CNKSR2: variants seen among roughly 807,000 people sequenced by gnomAD.
CNKSR2 encodes CNK homolog protein 2.
CNKSR2 carries 14 observed loss-of-function variants against 84.4 expected under a neutral mutation model. The observed-to-expected ratio is 0.17, with a 90% CI of 0.11 to 0.26. The LOEUF (loss-of-function observed/expected upper bound fraction) is 0.26, where lower values mean the gene tolerates loss of function less well. Among genes scored for constraint, CNKSR2 ranks in the 10% least tolerant of loss-of-function variants. The probability of loss-of-function intolerance (pLI) is 1.00; values close to 1 mark genes in which losing one functional copy is unlikely to be tolerated. For synonymous variants in CNKSR2, 275 were observed against 277.9 expected (o/e 0.99, Z 0.10); for missense variants, 485 against 771.2 (o/e 0.63, Z 4.40).
intron 20 of CNKSR2, among the ~76,000 whole-genome samples, chrX:21,616,974 A>C (rs1014262352): frequency 1.8e-5 from 2 of 112,337 alleles, no homozygotes; most frequent in African/African-American, 6.5e-5. Context: ...CATCAGATGT[A>C]AATGGCAAAA....
chrX:21,612,734 C>G (rs1242197109), intron 20 of CNKSR2, among the ~76,000 whole-genome samples: 1 of 111,887 alleles, frequency 8.9e-6, no homozygotes, highest in Non-Finnish European at 1.9e-5. Context: ...ATCTAAGAAG[C>G]AAGATATACC....
rs1184367410 is a variant in CNKSR2, at chrX:21,490,443, G to C, written c.562-16G>C. The C allele has an allele frequency of 8.4e-7, 1 of 1,189,854 alleles. No homozygotes were observed. The highest frequency in any genetic ancestry group is 2.3e-5 in the Admixed American group (1 of 43,512). On this transcript the variant is annotated splice_polypyrimidine_tract_variant and intron_variant, in intron 5 of 21. Transcript: ENST00000379510. ...ACACGTATTTACCACAACTATTTTT[G>C]TTTTTGTGCTTCCAGTGTAAAACTC...
chrX:21,496,390 A>G (rs2091500333), intron 6 of CNKSR2, among the ~76,000 whole-genome samples: 1 of 111,939 alleles, frequency 8.9e-6, no homozygotes, highest in South Asian at 3.7e-4. Flanking sequence ...GTAAGGCTGA[A>G]TATTACCATG....
intron 13 of CNKSR2, among the ~76,000 whole-genome samples, chrX:21,586,276 G>C (rs1034355229): frequency 9.0e-6 from 1 of 111,716 alleles, no homozygotes; most frequent in Non-Finnish European, 1.9e-5. Flanking sequence ...TGAGTAAGGA[G>C]GTTAAAGATG....
intron 17 of CNKSR2, among the ~76,000 whole-genome samples, chrX:21,595,846 C>T: frequency 8.9e-6 from 1 of 111,737 alleles, no homozygotes; most frequent in African/African-American, 3.3e-5. Flanking sequence ...AGGACCACAA[C>T]CAACAAATCA....
At chrX:21,498,018 T>C (rs1261212747) in intron 7 of CNKSR2, among the ~76,000 whole-genome samples, 172 bp downstream of exon 7, 1 of 109,542 alleles carries the variant, frequency 9.1e-6, no homozygotes, top group Non-Finnish European at 1.9e-5. Flanking sequence ...CAAATTTCCC[T>C]TTTTTTTTGT....
intron 4 of CNKSR2, among the ~76,000 whole-genome samples, chrX:21,447,363 A>G (rs1008588026): frequency 9.0e-6 from 1 of 111,284 alleles, no homozygotes; most frequent in African/African-American, 3.3e-5. Context: ...CATGTTCTCA[A>G]AATTTTATTG....
intron 11 of CNKSR2, among the ~76,000 whole-genome samples, chrX:21,534,691 C>T (rs997028344): frequency 9.0e-6 from 1 of 110,969 alleles, no homozygotes; most frequent in Admixed American, 9.6e-5. Context: ...TGATAAACGA[C>T]GTTAAGCATT....
At position 21,452,702 on chromosome X, in the gene CNKSR2, G is replaced by A. The variant is rs145496180; in HGVS notation, c.519+11921G>A. On this transcript the variant is annotated intron_variant, in intron 4 of 21. Coordinates refer to ENST00000379510, the MANE Select transcript of CNKSR2 (RefSeq NM_014927.5). ...TATGCAAGATGTGGAAGAATTGGCCGTGTTCACTGACAGAAGAACAAAGTA... is the reference window on the plus strand; with the variant it reads ...TATGCAAGATGTGGAAGAATTGGCCATGTTCACTGACAGAAGAACAAAGTA... Among the ~76,000 whole-genome samples the A allele has an allele frequency of 9.8e-3, 1,074 of 109,961 alleles. 12 individuals carry two copies. Among genetic ancestry groups the A allele is most frequent in the African/African-American group, 0.032 (972 of 30,395 alleles).
At chrX:21,503,161 T>A (rs749433371) in intron 8 of CNKSR2, 1 of 285,152 alleles carries the variant, frequency 3.5e-6, no homozygotes, top group East Asian at 4.9e-5. Context: ...CCTTTGAAAG[T>A]CTACAAATAA....
intron 4 of CNKSR2, among the ~76,000 whole-genome samples, chrX:21,461,308 C>A (rs1300193054): frequency 8.9e-6 from 1 of 112,160 alleles, no homozygotes; most frequent in Non-Finnish European, 1.9e-5. Flanking sequence ...TTTGCATATG[C>A]CTGATGGCCA....
At chrX:21,585,437 ATAT>A (rs1262219063) in intron 13 of CNKSR2, among the ~76,000 whole-genome samples, 1 of 108,395 alleles carries the variant, frequency 9.2e-6, no homozygotes. Flanking sequence ...AGAAAAAGTC[ATAT>A]TATAAATACA....
intron 8 of CNKSR2, chrX:21,503,471 TC>T (rs1439879637): frequency 3.7e-6 from 1 of 273,787 alleles, no homozygotes; most frequent in Non-Finnish European, 6.4e-6. Flanking sequence ...CATGCAATAA[TC>T]CTGCAAATAA....
chrX:21,584,771 G>A (rs1330883276), intron 13 of CNKSR2, among the ~76,000 whole-genome samples: 3 of 111,519 alleles, frequency 2.7e-5, no homozygotes, highest in East Asian at 2.8e-4. Context: ...AACAAAATTA[G>A]CAAGGGGAGA....
intron 13 of CNKSR2, among the ~76,000 whole-genome samples, chrX:21,589,759 C>T (rs1156966775): frequency 9.0e-6 from 1 of 111,240 alleles, no homozygotes; most frequent in African/African-American, 3.3e-5. Flanking sequence ...TATGATGCAG[C>T]GAGCATGGTC....
chrX:21,559,873 G>A (rs780731473), intron 11 of CNKSR2, among the ~76,000 whole-genome samples: 30 of 111,595 alleles, frequency 2.7e-4, no homozygotes, highest in Non-Finnish European at 4.7e-4. Flanking sequence ...ATTTTATCAT[G>A]TCTAGTTAAT....
At position 21,374,477 on chromosome X, in the gene CNKSR2, G is replaced by T; in HGVS notation, c.-421G>T. On this transcript the variant is annotated 5_prime_UTR_variant, in exon 1 of 22. Coordinates refer to ENST00000379510, the MANE Select transcript of CNKSR2 (RefSeq NM_014927.5). ...CTTCACTCCCGCGCGTGAGGCGAGC[G>T]GGCAAGTTGGCTGAGGGCGTGCGGC... 1 of 346,394 alleles carries T rather than the reference G, an allele frequency of 2.9e-6. No individual in the cohort carries two copies. The highest frequency in any genetic ancestry group is 5.1e-6 in the Non-Finnish European group (1 of 196,937). The allele number at this position is 346,394 out of a possible 1,213,427, so 28.5% of individuals were successfully genotyped here. A position where few individuals can be genotyped will look rare whatever the true frequency, so the allele number is the denominator to read the frequency against.
Position 21,407,715 on chromosome X carries a change from G to C in CNKSR2, c.65-18782G>C, listed in dbSNP as rs191792961. ...TTTACCTTTTTTGGATTATAGCACT[G>C]CTAGGTCAAGATCAGAGCGCTTTGT... On this transcript the variant is annotated intron_variant, in intron 1 of 21. Transcript: ENST00000379510. 2.1e-3 allele frequency among the ~76,000 whole-genome samples: 234 copies of C among 111,285 alleles called. 1 individual carries two copies. The highest frequency in any genetic ancestry group is 3.6e-3 in the Non-Finnish European group (189 of 52,923).
In CNKSR2 at chrX:21,394,318, A is replaced by G. The variant is rs1350431281; in HGVS notation, c.64+19357A>G. ...ACATGTGTTTGCCTTATGATATGGC[A>G]TGAAAATAAGATTATACTGATTTAA... On this transcript the variant is annotated intron_variant, in intron 1 of 21. Transcript: ENST00000379510. Among the ~76,000 whole-genome samples the G allele has an allele frequency of 6.3e-5, 7 of 111,835 alleles. No homozygotes were observed. The East Asian group carries it at 2.0e-3, about 31-fold the overall frequency.
Sources: allele counts gnomAD v4.1 joint callset (sites outside exome capture counted in the v4.1 genomes callset), GRCh38; gene constraint gnomAD v4.1.1; transcripts MANE v1.5; gene names NCBI Gene and HGNC (gene_info 2026-07-23, HGNC 2026-07-21).